The following GALNT13 variants were observed in gnomAD, a reference collection of about 807,000 sequenced individuals.
The protein encoded by GALNT13 is polypeptide N-acetylgalactosaminyltransferase 13.
GALNT13 carries 28 observed loss-of-function variants against 64.2 expected under a neutral mutation model. The observed-to-expected ratio is 0.44, with a 90% confidence interval of 0.32 to 0.60. The LOEUF (loss-of-function observed/expected upper bound fraction) is 0.60, where lower values mean the gene tolerates loss of function less well. Among genes scored for constraint, GALNT13 ranks in the 20% least tolerant of loss-of-function variants. The probability of loss-of-function intolerance (pLI) is 0.05; values close to 1 mark genes in which losing one functional copy is unlikely to be tolerated. For synonymous variants in GALNT13, 214 were observed against 224.6 expected (o/e 0.95, Z 0.42); for missense variants, 577 against 669.8 (o/e 0.86, Z 1.53).
chr2:153,088,387 GGCCTATCTTGGAGAATGTT>G, the GALNT13 span, among the ~76,000 whole-genome samples: 418 of 152,082 alleles, frequency 2.7e-3, no homozygotes, highest in African/African-American at 9.7e-3. Flanking sequence ...CATATTATAT[GGCCTATCTTGGAGAATGTT>G]CCATGTGCAG....
At chr2:153,580,536 CATTG>C in the GALNT13 span, among the ~76,000 whole-genome samples, 2 of 152,076 alleles carry the variant, frequency 1.3e-5, no homozygotes, top group African/African-American at 4.8e-5. Flanking sequence ...AAAAAATCTA[CATTG>C]CAGTGGACAA....
the GALNT13 span, among the ~76,000 whole-genome samples, chr2:153,703,002 A>C: frequency 6.6e-6 from 1 of 152,162 alleles, no homozygotes; most frequent in African/African-American, 2.4e-5. Flanking sequence ...TTGAAGTAAG[A>C]GAAAAGCAAG....
chr2:153,578,207 C>T, the GALNT13 span, among the ~76,000 whole-genome samples: 4 of 152,064 alleles, frequency 2.6e-5, no homozygotes, highest in Non-Finnish European at 4.4e-5. Flanking sequence ...AAGTCTCTAA[C>T]TATGTCAATA....
Position 154,259,064 on chromosome 2 carries a change from T to C in GALNT13, c.901T>C (p.Tyr301His). Residue 301 changes from tyrosine (Y) to histidine (H), a missense_variant, in exon 8 of 13, where the codon TAC becomes CAC. Transcript: ENST00000392825. ...AGGLFSIDRNYFEEIGTYDAG... is the reference protein window; with the variant it reads ...AGGLFSIDRNHFEEIGTYDAG... Reference sequence around the variant, plus strand: ...TGGCCTATTTTCTATTGACAGAAACTACTTTGAAGAGATAGGAACTTACGA... The same window carrying C: ...TGGCCTATTTTCTATTGACAGAAACCACTTTGAAGAGATAGGAACTTACGA... The C allele has an allele frequency of 6.2e-7, 1 of 1,609,654 alleles. No homozygotes were observed. The highest frequency in any genetic ancestry group is 8.5e-7 in the Non-Finnish European group (1 of 1,177,578).
At chr2:154,150,798 CG>C in intron 4 of GALNT13, among the ~76,000 whole-genome samples, 1 of 152,006 alleles carries the variant, frequency 6.6e-6, no homozygotes, top group Non-Finnish European at 1.5e-5. Flanking sequence ...TTTTTTATTG[CG>C]TCTATTTGAT....
At chr2:153,767,793 G>GT in the GALNT13 span, among the ~76,000 whole-genome samples, 10,515 of 145,192 alleles carry the variant, frequency 0.072, 743 homozygotes, top group African/African-American at 0.17. Flanking sequence ...ACTTTTTAAT[G>GT]TTTTTTTTTT....
the GALNT13 span, among the ~76,000 whole-genome samples, chr2:153,764,502 C>T: frequency 6.6e-6 from 1 of 152,196 alleles, no homozygotes; most frequent in Non-Finnish European, 1.5e-5. Flanking sequence ...CACCATTGCA[C>T]TACAGCCTGG....
chr2:153,568,417 T>A, the GALNT13 span, among the ~76,000 whole-genome samples: 1,923 of 152,262 alleles, frequency 0.013, 41 homozygotes, highest in East Asian at 0.08. Flanking sequence ...AACTTAAATA[T>A]TTCATCAGTT....
chr2:153,928,115 T>C (rs1003864981), intron 2 of GALNT13, among the ~76,000 whole-genome samples: 1 of 152,064 alleles, frequency 6.6e-6, no homozygotes, highest in Non-Finnish European at 1.5e-5. Flanking sequence ...CTATCCCCCA[T>C]TAATTGTCAA....
chr2:154,342,834 G>A (rs1197191975), intron 9 of GALNT13, among the ~76,000 whole-genome samples: 1 of 151,816 alleles, frequency 6.6e-6, no homozygotes, highest in Admixed American at 6.6e-5. Flanking sequence ...GCGTGTGTGT[G>A]TGTGTGTGTG....
chr2:154,139,627 C>CACACACAT (rs1400941346), intron 3 of GALNT13, among the ~76,000 whole-genome samples: 17 of 150,062 alleles, frequency 1.1e-4, no homozygotes, highest in Non-Finnish European at 3.0e-5. Flanking sequence ...AGGCAACACA[C>CACACACAT]ACACACACAC....
At chr2:153,893,686 T>C (rs917974904) in intron 1 of GALNT13, among the ~76,000 whole-genome samples, 5 of 152,076 alleles carry the variant, frequency 3.3e-5, no homozygotes, top group Non-Finnish European at 7.4e-5. Context: ...TAAATAAATA[T>C]TATTTGGGAC....
chr2:153,698,430 A>G, the GALNT13 span, among the ~76,000 whole-genome samples: 1 of 152,218 alleles, frequency 6.6e-6, no homozygotes, highest in Non-Finnish European at 1.5e-5. Flanking sequence ...AAGAAAAAAA[A>G]GGCGTCACAA....
At chr2:153,324,491 C>G in the GALNT13 span, among the ~76,000 whole-genome samples, 4 of 152,220 alleles carry the variant, frequency 2.6e-5, no homozygotes, top group South Asian at 8.3e-4. Flanking sequence ...CTATTTCTTT[C>G]TCTTGCCTGA....
the GALNT13 span, among the ~76,000 whole-genome samples, chr2:153,423,099 T>G: frequency 6.6e-6 from 1 of 151,904 alleles, no homozygotes; most frequent in Admixed American, 6.6e-5. Context: ...TAAAAATTGA[T>G]ATAAAAATAA....
the GALNT13 span, among the ~76,000 whole-genome samples, chr2:153,417,761 G>A: frequency 3.9e-5 from 6 of 152,096 alleles, no homozygotes; most frequent in Non-Finnish European, 8.8e-5. Context: ...TTGGATATAC[G>A]AAGTAAGATT....
the GALNT13 span, among the ~76,000 whole-genome samples, chr2:153,780,690 G>C: frequency 6.6e-6 from 1 of 152,016 alleles, no homozygotes; most frequent in Non-Finnish European, 1.5e-5. Context: ...AATACACAAT[G>C]AATATTTTTT....
chr2:153,222,936 CG>C, the GALNT13 span, among the ~76,000 whole-genome samples: 221 of 152,154 alleles, frequency 1.5e-3, 3 homozygotes, highest in African/African-American at 5.1e-3. Flanking sequence ...TGCAGCTGCG[CG>C]CGGAAGTGAG....
At chr2:153,071,176 T>A in the GALNT13 span, among the ~76,000 whole-genome samples, 1 of 152,208 alleles carries the variant, frequency 6.6e-6, no homozygotes, top group Non-Finnish European at 1.5e-5. Flanking sequence ...GTAACTATAG[T>A]TGTGCAAGAA....
Sources: gnomAD v4.1 joint callset for allele counts (sites outside exome capture counted in the v4.1 genomes callset) on GRCh38, gnomAD v4.1.1 for gene constraint, MANE v1.5 for transcripts, NCBI Gene and HGNC (gene_info 2026-07-23, HGNC 2026-07-21) for gene names.